CERKL: variants seen among roughly 807,000 people sequenced by gnomAD.
CERKL encodes ceramide kinase-like protein.
Under a neutral mutation model 63.4 loss-of-function variants are expected in CERKL, and 61 were observed. The ratio of observed to expected loss-of-function variants is 0.96; its 90% confidence interval spans 0.78 to 1.19. The LOEUF (loss-of-function observed/expected upper bound fraction) is 1.19. Ranked by LOEUF, CERKL falls within the 50% of genes most tolerant of loss-of-function variation. The pLI is 0.00. For synonymous variants in CERKL, 250 were observed against 230.5 expected (o/e 1.08, Z -0.77); for missense variants, 675 against 655.5 (o/e 1.03, Z -0.33).
Position 181,553,472 on chromosome 2 carries a change from TA to T in CERKL, c.821-3765del, listed in dbSNP as rs1688074830. Among the ~76,000 whole-genome samples, 4 of 152,156 alleles carry T rather than the reference TA, an allele frequency of 2.6e-5. No homozygotes were observed. In the South Asian group the frequency reaches 8.3e-4, roughly 32 times the overall value. ...AAAAGCATTCCTCTAGAAAGGCTAT[TA>T]AAAAACATAATGTAATGTCATGTGC... On this transcript the variant is annotated intron_variant, in intron 5 of 12. Coordinates refer to ENST00000410087, the MANE Select transcript of CERKL (RefSeq NM_201548.5).
chr2:181,644,783 T>A (rs1687598646), intron 1 of CERKL, among the ~76,000 whole-genome samples: 1 of 148,318 alleles, frequency 6.7e-6, no homozygotes, highest in Non-Finnish European at 1.5e-5. Flanking sequence ...CTGTAATGAA[T>A]CTTCATTAAT....
chr2:181,586,259 G>A (rs1205295840), intron 2 of CERKL, among the ~76,000 whole-genome samples: 1 of 152,028 alleles, frequency 6.6e-6, no homozygotes, highest in African/African-American at 2.4e-5. Context: ...AGGTGACCTA[G>A]AAATAAAGTA....
At chr2:181,633,134 G>C (rs1687035669) in intron 1 of CERKL, among the ~76,000 whole-genome samples, 1 of 152,170 alleles carries the variant, frequency 6.6e-6, no homozygotes, top group Admixed American at 6.5e-5. Flanking sequence ...GTTTGGAGTA[G>C]AAGGCACACA....
intron 11 of CERKL, among the ~76,000 whole-genome samples, chr2:181,539,717 C>G (rs957013421): frequency 7.2e-5 from 11 of 152,134 alleles, no homozygotes; most frequent in African/African-American, 2.7e-4. Context: ...GGATGTATGT[C>G]TTCTTTTAAA....
rs199901988 is a variant in CERKL at position 181,536,967 on chromosome 2, C to G, written c.*1217G>C. 1.3e-5 allele frequency: 6 copies of G among 452,342 alleles called. No homozygotes were observed. The highest frequency in any genetic ancestry group is 1.0e-4 in the African/African-American group (5 of 49,858). 28.0% of individuals were successfully genotyped at this position (452,342 alleles called of 1,614,324 possible). ...GAAGTCCCTGCCACTAGCCAGCCAT[C>G]CTAATTGATGAAAGTTATCTGTTCA... On this transcript the variant is annotated 3_prime_UTR_variant, in exon 13 of 13. Transcript: ENST00000410087.
chr2:181,547,843 C>G lies in CERKL; in HGVS notation c.1138G>C (p.Ala380Pro), dbSNP rs772333970. 2 of 1,613,642 alleles carry G rather than the reference C, an allele frequency of 1.2e-6. No individual in the cohort carries two copies. Among genetic ancestry groups the G allele is most frequent in the Non-Finnish European group, 1.7e-6 (2 of 1,179,924 alleles). The stretch of plus-strand genomic sequence containing the variant: ...TCACCAGATTTGGGAGATCCCTGTG[C>G]CCTCCTAAAAGAAAGAAAACAAAAC... ...NSSDDVQERR[A>P]QGSPKSDCND... The change falls in exon 9 of 13, where the codon GCA (alanine) becomes CCA (proline). Residue 380 changes from alanine (A) to proline (P), a missense_variant. Transcript: ENST00000410087.
chr2:181,652,570 C>T (rs377671373), intron 1 of CERKL, among the ~76,000 whole-genome samples: 1 of 152,032 alleles, frequency 6.6e-6, no homozygotes, highest in Non-Finnish European at 1.5e-5. Flanking sequence ...TCGACACTGA[C>T]CTGAGCAAGG....
Position 181,609,533 on chromosome 2 carries a change from T to TAAAAAAAAAAAAAAA in CERKL, c.239-5469_239-5455dup, listed in dbSNP as rs869037405. On this transcript the variant is annotated intron_variant, in intron 1 of 12. Transcript: ENST00000410087. ...CACCATGGTGAAACCCTGTCTCTAC[T>TAAAAAAAAAAAAAAA]AAAAAAAAAAAAAAAAAAAAAAATT... Among the ~76,000 whole-genome samples the TAAAAAAAAAAAAAAA allele has an allele frequency of 6.4e-4, 45 of 70,222 alleles. 2 individuals are homozygous for TAAAAAAAAAAAAAAA. Among genetic ancestry groups the TAAAAAAAAAAAAAAA allele is most frequent in the Admixed American group, 9.1e-4 (5 of 5,500 alleles). 46.1% of individuals were successfully genotyped at this position (70,222 alleles called of 152,430 possible). A position where few individuals can be genotyped will look rare whatever the true frequency, so the allele number is the denominator to read the frequency against.
chr2:181,596,836 C>T (rs1188103305), intron 2 of CERKL, among the ~76,000 whole-genome samples: 4 of 152,104 alleles, frequency 2.6e-5, no homozygotes, highest in African/African-American at 9.7e-5. Flanking sequence ...TGCCTGGAAC[C>T]CACTGAGACT....
intron 8 of CERKL, 66 bp downstream of exon 8, chr2:181,548,479 T>C (rs374063487): frequency 1.7e-6 from 2 of 1,156,142 alleles, no homozygotes; most frequent in African/African-American, 3.0e-5. Flanking sequence ...TCTGATCAAT[T>C]GTTTGTCAGA....
rs373370395 is a variant in CERKL, at chr2:181,539,155, T to C, written c.1475A>G (p.Glu492Gly). 31 of 1,610,172 alleles carry C rather than the reference T, an allele frequency of 1.9e-5. No homozygotes were observed. In the African/African-American group the frequency reaches 3.7e-4, roughly 19 times the overall value. ...PEEEEDETASENCFPWNVDGD... is the reference protein window; with the variant it reads ...PEEEEDETASGNCFPWNVDGD... ...ATCTACATTCCAAGGGAAACAATTT[T>C]CTGAAGCAGTTTCATCCTCCTCCTC... The change falls in exon 12 of 13, where the codon GAA becomes GGA. Residue 492 changes from glutamate to glycine, a missense_variant. By Grantham distance (98) the Glu-to-Gly change is moderately conservative (BLOSUM62 -2). Transcript: ENST00000410087.
At chr2:181,610,534 C>T (rs990915953) in intron 1 of CERKL, among the ~76,000 whole-genome samples, 11 of 152,190 alleles carry the variant, frequency 7.2e-5, no homozygotes, top group African/African-American at 2.7e-4. Flanking sequence ...AAATCATAGT[C>T]ATCTTCTGCA....
At chr2:181,605,162 G>T (rs567310565) in intron 1 of CERKL, among the ~76,000 whole-genome samples, 1 of 152,164 alleles carries the variant, frequency 6.6e-6, no homozygotes, top group Non-Finnish European at 1.5e-5. Flanking sequence ...CCCTACGACC[G>T]CCCCAACCTA....
At chr2:181,629,962 G>GAA (rs10562771) in intron 1 of CERKL, among the ~76,000 whole-genome samples, 343 of 130,048 alleles carry the variant, frequency 2.6e-3, no homozygotes, top group African/African-American at 7.2e-3. Context: ...CATTGTCTTG[G>GAA]AAAAAAAAAA....
At chr2:181,643,520 C>T (rs1217442124) in intron 1 of CERKL, among the ~76,000 whole-genome samples, 1 of 152,186 alleles carries the variant, frequency 6.6e-6, no homozygotes, top group Admixed American at 6.5e-5. Context: ...TCATAATGAG[C>T]ATTTGTTTGC....
At chr2:181,628,395 T>G (rs1444003154) in intron 1 of CERKL, among the ~76,000 whole-genome samples, 1 of 152,230 alleles carries the variant, frequency 6.6e-6, no homozygotes, top group African/African-American at 2.4e-5. Flanking sequence ...CAGAAAGTAC[T>G]GTTTTAATAC....
chr2:181,543,997 A>AAG (rs1553512762), intron 11 of CERKL, among the ~76,000 whole-genome samples: 5 of 151,214 alleles, frequency 3.3e-5, no homozygotes, highest in African/African-American at 9.7e-5. Context: ...AAAAAAAAAA[A>AAG]AAAGAAAGAA....
chr2:181,601,737 G>A lies in CERKL; in HGVS notation c.481+2100C>T, dbSNP rs148761793. On this transcript the variant is annotated intron_variant, in intron 2 of 12. Coordinates refer to ENST00000410087, the MANE Select transcript of CERKL (RefSeq NM_201548.5). ...CAGGCCTCCCTGAGTCCACTTTGGT[G>A]CAGAGATGGAGCAGTAATGTATCAG... Among the ~76,000 whole-genome samples, 319 of 152,300 alleles carry A rather than the reference G, an allele frequency of 2.1e-3. 3 individuals carry two copies. Among genetic ancestry groups the A allele is most frequent in the African/African-American group, 7.0e-3 (289 of 41,568 alleles).
intron 1 of CERKL, among the ~76,000 whole-genome samples, chr2:181,647,979 GAAGA>G (rs1356024867): frequency 6.6e-6 from 1 of 151,904 alleles, no homozygotes; most frequent in African/African-American, 2.4e-5. Flanking sequence ...AGATCAAGCA[GAAGA>G]AAGAATTTCA....
Sources: allele counts gnomAD v4.1 joint callset (sites outside exome capture counted in the v4.1 genomes callset), GRCh38; gene constraint gnomAD v4.1.1; transcripts MANE v1.5; gene names NCBI Gene and HGNC (gene_info 2026-07-23, HGNC 2026-07-21).